Variants in DCHS2 observed in about 807,000 individuals in gnomAD.
DCHS2 encodes the protein dachsous cadherin-related 2, also known as protocadherin-23.
Under a neutral mutation model 182.4 loss-of-function variants are expected in DCHS2, and 142 were observed. That is an observed-to-expected ratio of 0.78 (90% CI 0.68 to 0.89). The LOEUF (loss-of-function observed/expected upper bound fraction) is 0.89, where lower values mean the gene tolerates loss of function less well. Among genes scored for constraint, DCHS2 ranks in the 40% least tolerant of loss-of-function variants. DCHS2 has a pLI of 0.00. For missense variants in DCHS2, 4,319 were observed against 4,198.6 expected (o/e 1.03, Z -0.79); for synonymous variants, 1,740 against 1,663.3 (o/e 1.05, Z -1.12).
intron 1 of DCHS2, among the ~76,000 whole-genome samples, chr4:154,464,800 G>A (rs910432992): frequency 3.3e-5 from 5 of 152,134 alleles, no homozygotes; most frequent in Non-Finnish European, 5.9e-5. Flanking sequence ...AAGGGTTGGG[G>A]AAAGCCCTGC....
chr4:154,490,766 C>G lies in DCHS2; in HGVS notation c.590G>C (p.Gly197Ala). ...RLPVAHDPDA[G>A]LFSTQGYTLV... ...GGTGTAGCCCTGAGTGCTGAACAGTCCGGCGTCCGGATCGTGGGCAACTGG... is the reference window on the plus strand; with the variant it reads ...GGTGTAGCCCTGAGTGCTGAACAGTGCGGCGTCCGGATCGTGGGCAACTGG... The change falls in exon 1 of 20, where the codon GGA becomes GCA. Residue 197 changes from glycine to alanine, a missense_variant. Transcript: ENST00000357232. 6.4e-7 allele frequency: 1 copy of G among 1,551,572 alleles called. No individual in the cohort carries two copies. Among genetic ancestry groups the G allele is most frequent in the Non-Finnish European group, 8.7e-7 (1 of 1,146,880 alleles).
rs779968746 is a variant in DCHS2 at position 154,269,972 on chromosome 4, T to A, written c.6505A>T (p.Ile2169Phe). Reference sequence around the variant, plus strand: ...ATTGAATATTTCATGCTGTCCTGAATTGAGTCAGGAGCAAAAGCTTTAACA... The same window carrying A: ...ATTGAATATTTCATGCTGTCCTGAAATGAGTCAGGAGCAAAAGCTTTAACA... Reference protein sequence around the residue: ...VTVKAFAPDSIQDSMKYSIFS... With the variant: ...VTVKAFAPDSFQDSMKYSIFS... Residue 2169 changes from isoleucine to phenylalanine, a missense_variant, in exon 14 of 20, where the codon ATT (isoleucine) becomes TTT (phenylalanine). Physicochemically the swap from Ile to Phe is conservative, Grantham distance 21 (BLOSUM62 0). Transcript: ENST00000357232. 97 of 1,612,054 alleles carry A rather than the reference T, an allele frequency of 6.0e-5. No individual in the cohort carries two copies. Among genetic ancestry groups the A allele is most frequent in the Non-Finnish European group, 8.1e-5 (96 of 1,179,122 alleles).
At chr4:154,239,089 GA>G in intron 19 of DCHS2, 80 bp downstream of exon 19, 1 of 1,515,220 alleles carries the variant, frequency 6.6e-7, no homozygotes, top group South Asian at 1.3e-5. Context: ...AACTTTTATA[GA>G]GGCATTTAGA....
chr4:154,256,107 T>C (rs993418635), intron 15 of DCHS2, among the ~76,000 whole-genome samples: 1 of 152,136 alleles, frequency 6.6e-6, no homozygotes, highest in Non-Finnish European at 1.5e-5. Flanking sequence ...ACCTATAAAA[T>C]TGGCTAGGTG....
At chr4:154,350,859 A>G (rs1041014969) in intron 3 of DCHS2, among the ~76,000 whole-genome samples, 4 of 152,212 alleles carry the variant, frequency 2.6e-5, no homozygotes, top group African/African-American at 9.6e-5. Flanking sequence ...CACCAACAGC[A>G]ATAGGTTAGT....
rs758183960 is a variant in DCHS2, at chr4:154,377,260, T to G, written c.2237A>C (p.Lys746Thr). Residue 746 changes from lysine to threonine, a missense_variant, in exon 2 of 20, where the codon AAG becomes ACG. Physicochemically the swap from Lys to Thr is moderately conservative, Grantham distance 78. Transcript: ENST00000357232. ...PATYDLLVEA[K>T]DGGGLSAQAF... ...TCATACATAAAAACTTACCCCATCC[T>G]TAGCTTCCACCAGGAGATCATAGGT... 1.9e-6 allele frequency: 3 copies of G among 1,613,202 alleles called. No homozygotes were observed. Among genetic ancestry groups the G allele is most frequent in the East Asian group, 4.5e-5 (2 of 44,868 alleles).
At chr4:154,299,169 A>G (rs1735100192) in intron 12 of DCHS2, among the ~76,000 whole-genome samples, 1 of 152,200 alleles carries the variant, frequency 6.6e-6, no homozygotes, top group Non-Finnish European at 1.5e-5. Context: ...TATTTTCTCA[A>G]ATAGTACCCA....
intron 13 of DCHS2, among the ~76,000 whole-genome samples, chr4:154,276,200 C>T (rs1733847064): frequency 6.6e-6 from 1 of 152,156 alleles, no homozygotes; most frequent in African/African-American, 2.4e-5. Context: ...TGAAAACCAA[C>T]ACTGTACCTG....
intron 1 of DCHS2, among the ~76,000 whole-genome samples, chr4:154,403,862 T>C (rs1468923496): frequency 6.6e-6 from 1 of 152,224 alleles, no homozygotes; most frequent in Non-Finnish European, 1.5e-5. Context: ...CCATTTCATG[T>C]AAGTTGTCAA....
chr4:154,288,396 A>G (rs1228167094), intron 13 of DCHS2, among the ~76,000 whole-genome samples: 1 of 152,170 alleles, frequency 6.6e-6, no homozygotes, highest in Non-Finnish European at 1.5e-5. Context: ...TGCACCCACC[A>G]CTGGAGGACC....
In DCHS2 at chr4:154,304,739, C is replaced by T. The variant is rs1274630241; in HGVS notation, c.5535G>A (p.Glu1845=). ...CAGAGGCTAAAACCGTATAGACAAC[C>T]TCTGGTTCCTGGTTTTCCAGAACCT... ...DIEVLENQEP[E]VVYTVLASDM... is the part of the protein sequence containing the mutation. The change falls in exon 12 of 20, where the codon GAG becomes GAA. Residue 1845 remains glutamate (E), a synonymous_variant. Transcript: ENST00000357232. 1 of 1,614,016 alleles carries T rather than the reference C, an allele frequency of 6.2e-7. No individual in the cohort carries two copies. Among genetic ancestry groups the T allele is most frequent in the East Asian group, 2.2e-5 (1 of 44,856 alleles).
intron 13 of DCHS2, among the ~76,000 whole-genome samples, chr4:154,291,290 A>T (rs1734648749): frequency 6.6e-6 from 1 of 152,118 alleles, no homozygotes; most frequent in Non-Finnish European, 1.5e-5. Flanking sequence ...ACAGGAAAAA[A>T]AAAATGCTAG....
intron 1 of DCHS2, chr4:154,384,446 AC>A: frequency 6.2e-7 from 1 of 1,605,758 alleles, no homozygotes; most frequent in South Asian, 1.1e-5. Flanking sequence ...TCTCGGGACT[AC>A]CTCTTTTCAA....
At chr4:154,259,493 GACAC>G in intron 15 of DCHS2, 48 bp downstream of exon 15, 1 of 1,575,786 alleles carries the variant, frequency 6.3e-7, no homozygotes, top group Non-Finnish European at 8.6e-7. Flanking sequence ...CTCTCACACA[GACAC>G]ACCCACACAC....
rs1388079 is a variant in DCHS2 at position 154,480,596 on chromosome 4, C to T, written c.2052+8708G>A. Among the ~76,000 whole-genome samples, 434 of 152,340 alleles carry T rather than the reference C, an allele frequency of 2.8e-3. 2 individuals carry two copies. The highest frequency in any genetic ancestry group is 9.8e-3 in the African/African-American group (407 of 41,564). On this transcript the variant is annotated intron_variant, in intron 1 of 19. Transcript: ENST00000357232. ...TAATCTGAGAATTTAGTATGAAATA[C>T]ATCAACAGTGTCATCAAAGCAAGTA...
At chr4:154,298,817 C>T (rs956892809) in intron 12 of DCHS2, 109 bp from the exon 13 acceptor site, 19 of 1,386,040 alleles carry the variant, frequency 1.4e-5, no homozygotes, top group Admixed American at 1.1e-4. Flanking sequence ...TATTTATTCC[C>T]GATTATATTG....
chr4:154,428,787 C>T (rs183359070), intron 1 of DCHS2, among the ~76,000 whole-genome samples: 1 of 152,020 alleles, frequency 6.6e-6, no homozygotes, highest in East Asian at 1.9e-4. Context: ...CCTGTAATCC[C>T]AGCTACTCAA....
At chr4:154,247,984 T>C (rs569351956) in intron 16 of DCHS2, among the ~76,000 whole-genome samples, 52 of 152,280 alleles carry the variant, frequency 3.4e-4, no homozygotes, top group African/African-American at 1.1e-3. Context: ...AAACTGTTCA[T>C]GCTAGATGGA....
intron 1 of DCHS2, among the ~76,000 whole-genome samples, chr4:154,438,535 A>T (rs1733873756): frequency 6.6e-6 from 1 of 152,182 alleles, no homozygotes; most frequent in Non-Finnish European, 1.5e-5. Flanking sequence ...GAACTTTAGG[A>T]TAATCTTGCC....
Sources: allele counts gnomAD v4.1 joint callset (sites outside exome capture counted in the v4.1 genomes callset), GRCh38; gene constraint gnomAD v4.1.1; transcripts MANE v1.5; gene names NCBI Gene and HGNC (gene_info 2026-07-23, HGNC 2026-07-21).